Variants in SV2C observed in about 807,000 individuals in gnomAD.
SV2C encodes solute carrier family 22 member B3.
SV2C carries 49 observed loss-of-function variants against 79.7 expected under a neutral mutation model. That is an observed-to-expected ratio of 0.61 (90% CI 0.49 to 0.78). SV2C has a LOEUF of 0.78. Ranked by LOEUF, SV2C falls within the 30% of genes least tolerant of loss-of-function variation. The pLI, the probability that SV2C is intolerant of heterozygous loss-of-function variation, is 0.00. For synonymous variants in SV2C, 334 were observed against 333.2 expected, an observed-to-expected ratio of 1.00 and a Z score of -0.03; for missense variants, 833 against 912.9, an observed-to-expected ratio of 0.91 and a Z score of 1.13.
intron 2 of SV2C, among the ~76,000 whole-genome samples, chr5:76,144,557 C>T (rs1221171568): frequency 3.3e-5 from 5 of 152,150 alleles, no homozygotes; most frequent in Non-Finnish European, 7.4e-5. Context: ...CTGCCTTTTC[C>T]CAATTCATGT....
the SV2C span, among the ~76,000 whole-genome samples, chr5:75,932,271 G>T: frequency 3.3e-5 from 5 of 152,308 alleles, no homozygotes; most frequent in African/African-American, 1.2e-4. Context: ...GGCAACTCTG[G>T]ATAGCCATTC....
In SV2C at chr5:76,268,833, A is replaced by G. The variant is rs1275782620; in HGVS notation, c.914-16329A>G. On this transcript the variant is annotated intron_variant, in intron 4 of 12. Transcript: ENST00000502798. ...TTGCTTCCAGGTGCATAAAAAGAGT[A>G]TGGGAAACCCCTATAGTTTAACTTT... Among the ~76,000 whole-genome samples, 12 of 152,354 alleles carry G rather than the reference A, an allele frequency of 7.9e-5. 1 individual carries two copies. Among genetic ancestry groups the G allele is most frequent in the Admixed American group, 4.6e-4 (7 of 15,306 alleles).
chr5:75,980,261 A>T, the SV2C span, among the ~76,000 whole-genome samples: 4 of 152,212 alleles, frequency 2.6e-5, no homozygotes, highest in Non-Finnish European at 4.4e-5. Context: ...GATCATACAG[A>T]TTCACAGTTG....
intron 1 of SV2C, among the ~76,000 whole-genome samples, chr5:76,130,145 T>TAAAAAAAAAAAAAAAAAAAA (rs375351450): frequency 1.5e-5 from 1 of 67,832 alleles, no homozygotes; most frequent in Non-Finnish European, 2.3e-5. Flanking sequence ...TCTCAGTTCT[T>TAAAAAAAAAAAAAAAAAAAA]AAAAAAAAAA....
At chr5:76,076,449 AGTTT>A in the SV2C span, among the ~76,000 whole-genome samples, 4 of 152,146 alleles carry the variant, frequency 2.6e-5, no homozygotes, top group Non-Finnish European at 4.4e-5. Context: ...AAAAGATTGA[AGTTT>A]CTTTTGTTAT....
chr5:76,310,611 C>T (rs879338801), intron 12 of SV2C, among the ~76,000 whole-genome samples: 11 of 152,114 alleles, frequency 7.2e-5, no homozygotes. Context: ...ATGAAGTCCA[C>T]AGCAAGAAAT....
chr5:76,097,161 GCA>G (rs1747594675), intron 1 of SV2C, among the ~76,000 whole-genome samples: 1 of 152,026 alleles, frequency 6.6e-6, no homozygotes, highest in Non-Finnish European at 1.5e-5. Flanking sequence ...CTTGCATGTC[GCA>G]CAGTTTTCCA....
chr5:76,150,626 C>CTTTTTT lies in SV2C; in HGVS notation c.580+18320_580+18325dup, dbSNP rs57910684. On this transcript the variant is annotated intron_variant, in intron 2 of 12. Transcript: ENST00000502798. ...TATTCGTCTGTTTATTCATCAAATT[C>CTTTTTT]TTTTTTTTTTTTTTTTTTTTTTTTT... Among the ~76,000 whole-genome samples, 39 of 56,494 alleles carry CTTTTTT rather than the reference C, an allele frequency of 6.9e-4. 6 individuals are homozygous for CTTTTTT. Among genetic ancestry groups the CTTTTTT allele is most frequent in the East Asian group, 6.5e-3 (10 of 1,550 alleles). The allele number at this position is 56,494 out of a possible 152,430, so 37.1% of individuals were successfully genotyped here. A position where few individuals can be genotyped will look rare whatever the true frequency, so the allele number is the denominator to read the frequency against.
At chr5:76,291,365 A>G in intron 7 of SV2C, 34 bp downstream of exon 7, 1 of 1,521,430 alleles carries the variant, frequency 6.6e-7, no homozygotes, top group Non-Finnish European at 8.9e-7. Flanking sequence ...CCTGCATGTT[A>G]ATTTATTGCA....
chr5:76,151,796 C>CA (rs1414908954), intron 2 of SV2C, among the ~76,000 whole-genome samples: 2 of 134,574 alleles, frequency 1.5e-5, no homozygotes, highest in African/African-American at 5.1e-5. Flanking sequence ...CTTAGCAGAG[C>CA]CTGGGTGGCA....
At chr5:76,113,921 TACAC>T (rs144138185) in intron 1 of SV2C, among the ~76,000 whole-genome samples, 1 of 150,400 alleles carries the variant, frequency 6.6e-6, no homozygotes, top group African/African-American at 2.4e-5. Flanking sequence ...CCCACAATCA[TACAC>T]ACACACACAC....
At chr5:76,142,915 GAC>G in intron 2 of SV2C, among the ~76,000 whole-genome samples, 1 of 58,930 alleles carries the variant, frequency 1.7e-5, no homozygotes. Context: ...TTTTTTTTGA[GAC>G]GGAGTCTTGC....
At chr5:76,341,399 C>T (rs895169996) in intron 12 of SV2C, among the ~76,000 whole-genome samples, 1 of 151,906 alleles carries the variant, frequency 6.6e-6, no homozygotes, top group Non-Finnish European at 1.5e-5. Context: ...ACAACAAAAA[C>T]ACATATGACC....
At chr5:75,891,185 G>T in the SV2C span, among the ~76,000 whole-genome samples, 6 of 152,190 alleles carry the variant, frequency 3.9e-5, no homozygotes, top group African/African-American at 1.4e-4. Flanking sequence ...GGAAACCAGG[G>T]ACTTTGAGAC....
chr5:75,875,583 G>T, the SV2C span, among the ~76,000 whole-genome samples: 1 of 152,140 alleles, frequency 6.6e-6, no homozygotes. Flanking sequence ...TGTCAAGTGG[G>T]ATCTAATTAA....
At chr5:75,867,672 A>T in the SV2C span, among the ~76,000 whole-genome samples, 13 of 152,318 alleles carry the variant, frequency 8.5e-5, no homozygotes, top group East Asian at 1.3e-3. Context: ...CATAAGAAGA[A>T]TTTCCATAGA....
chr5:76,342,163 G>A (rs988922135), intron 12 of SV2C, among the ~76,000 whole-genome samples: 5 of 152,168 alleles, frequency 3.3e-5, no homozygotes, highest in Admixed American at 1.3e-4. Context: ...ATGCATATAC[G>A]GGGACCTTAC....
intron 1 of SV2C, among the ~76,000 whole-genome samples, chr5:76,117,710 A>AT (rs1748320407): frequency 1.3e-5 from 2 of 150,690 alleles, no homozygotes; most frequent in African/African-American, 5.0e-5. Flanking sequence ...TCGGTTATTT[A>AT]TTTAAAAAAA....
intron 2 of SV2C, among the ~76,000 whole-genome samples, chr5:76,141,346 T>C (rs1749243950): frequency 6.6e-6 from 1 of 152,194 alleles, no homozygotes; most frequent in South Asian, 2.1e-4. Flanking sequence ...TTCTACACTC[T>C]GAATCATTGT....
Sources: allele counts gnomAD v4.1 joint callset (sites outside exome capture counted in the v4.1 genomes callset), GRCh38; gene constraint gnomAD v4.1.1; transcripts MANE v1.5; gene names NCBI Gene and HGNC (gene_info 2026-07-23, HGNC 2026-07-21).